AGBL1: variants seen among roughly 807,000 people sequenced by gnomAD.
The protein encoded by AGBL1 is AGBL carboxypeptidase 1.
A neutral mutation model predicts 118.9 loss-of-function variants in AGBL1; 130 were observed. The observed-to-expected ratio is 1.09, with a 90% CI of 0.95 to 1.26. AGBL1 has a LOEUF of 1.26. Among genes scored for constraint, AGBL1 ranks in the 50% most tolerant of loss-of-function variants. The probability of loss-of-function intolerance (pLI) is 0.00; values close to 1 mark genes in which losing one functional copy is unlikely to be tolerated. For synonymous variants in AGBL1, 555 were observed against 478.9 expected (o/e 1.16, Z -2.08); for missense variants, 1,584 against 1,298.1 (o/e 1.22, Z -3.38).
intron 17 of AGBL1, among the ~76,000 whole-genome samples, chr15:86,357,496 A>G (rs1567215611): frequency 6.6e-6 from 1 of 152,002 alleles, no homozygotes; most frequent in Non-Finnish European, 1.5e-5. Context: ...ATTCTTTCCT[A>G]TTTGCCTTTG....
intron 18 of AGBL1, among the ~76,000 whole-genome samples, chr15:86,467,849 C>T (rs2082426998): frequency 6.6e-6 from 1 of 152,278 alleles, no homozygotes; most frequent in African/African-American, 2.4e-5. Flanking sequence ...GAACCAGGTA[C>T]CTCAGTTGGA....
chr15:86,323,319 T>C (rs1192920316), intron 17 of AGBL1, among the ~76,000 whole-genome samples: 1 of 152,012 alleles, frequency 6.6e-6, no homozygotes, highest in Non-Finnish European at 1.5e-5. Context: ...AGGAAAATAA[T>C]ATATGACAAA....
rs569658160 is a variant in AGBL1 at position 86,747,577 on chromosome 15, C to T, written c.3158+73141C>T. On this transcript the variant is annotated intron_variant, in intron 22 of 22. Transcript: ENST00000614907. Reference sequence around the variant, plus strand: ...ATGTGCCATGTTGGTGTGCTGCACCCATTAACTCGTCATTTACATTGGGTG... The same window carrying T: ...ATGTGCCATGTTGGTGTGCTGCACCTATTAACTCGTCATTTACATTGGGTG... 2.0e-5 allele frequency among the ~76,000 whole-genome samples: 3 copies of T among 152,230 alleles called. No individual in the cohort carries two copies. In the South Asian group the frequency reaches 6.2e-4, roughly 32 times the overall value.
intron 17 of AGBL1, among the ~76,000 whole-genome samples, chr15:86,367,623 A>G (rs531942360): frequency 7.2e-5 from 11 of 152,268 alleles, no homozygotes; most frequent in African/African-American, 2.6e-4. Context: ...TACCAGAAGA[A>G]AAGAGATGCA....
Position 86,722,799 on chromosome 15 carries a change from A to C in AGBL1, c.3158+48363A>C, listed in dbSNP as rs184931893. On this transcript the variant is annotated intron_variant, in intron 22 of 22. Transcript: ENST00000614907. ...TATCCAGAATCTACAATGAACTCAA[A>C]CAAATTTACAAGAAACAAACAACCC... 1.8e-3 allele frequency among the ~76,000 whole-genome samples: 275 copies of C among 152,110 alleles called. 12 individuals carry two copies. In the East Asian group the frequency reaches 0.024, roughly 13 times the overall value.
At chr15:86,193,090 G>A (rs2077748516) in intron 5 of AGBL1, among the ~76,000 whole-genome samples, 1 of 152,002 alleles carries the variant, frequency 6.6e-6, no homozygotes, top group Admixed American at 6.6e-5. Flanking sequence ...TAATTTATTA[G>A]TAAATGTGAT....
At chr15:86,917,022 T>C (rs961227425), downstream of AGBL1, among the ~76,000 whole-genome samples, 7 of 152,226 alleles carry the variant, frequency 4.6e-5, no homozygotes, top group African/African-American at 1.4e-4. The surrounding 1 kb of genome is among the most constrained non-coding windows in gnomAD (Gnocchi z 4.8). Flanking sequence ...GGGGAATGAA[T>C]TGAGTCAGCA....
chr15:86,876,669 T>G (rs1160992428), intron 22 of AGBL1, among the ~76,000 whole-genome samples: 6 of 152,212 alleles, frequency 3.9e-5, no homozygotes, highest in Non-Finnish European at 8.8e-5. Flanking sequence ...CTTGCTATCA[T>G]TCAACTCTGC....
At chr15:86,356,135 C>A (rs1433145953) in intron 17 of AGBL1, among the ~76,000 whole-genome samples, 1 of 151,980 alleles carries the variant, frequency 6.6e-6, no homozygotes, top group Non-Finnish European at 1.5e-5. Flanking sequence ...TGACAGGAAG[C>A]ACATAGCAGA....
chr15:86,220,306 A>G (rs928477436), intron 5 of AGBL1, among the ~76,000 whole-genome samples: 2 of 152,108 alleles, frequency 1.3e-5, no homozygotes, highest in African/African-American at 4.8e-5. Flanking sequence ...ACCTTTGTGA[A>G]CTTCATTATT....
chr15:86,844,945 T>G (rs1458313250), intron 22 of AGBL1, among the ~76,000 whole-genome samples: 2 of 152,132 alleles, frequency 1.3e-5, no homozygotes, highest in East Asian at 3.8e-4. Context: ...TAGTATCATT[T>G]ATTGGTTAGC....
rs186232284 is a variant in AGBL1, at chr15:86,256,757, G to C, written c.736-96G>C. 5.7e-6 allele frequency: 7 copies of C among 1,238,154 alleles called. No individual in the cohort carries two copies. In the Admixed American group the frequency reaches 1.5e-4, roughly 26 times the overall value. 76.7% of individuals were successfully genotyped at this position (1,238,154 alleles called of 1,614,324 possible). ...TTAGCTGAAACACAGCTAGGAGACT[G>C]TGCTGTGTTACAGCTTGGAGAGTGT... On this transcript the variant is annotated intron_variant, in intron 7 of 22. Transcript: ENST00000614907.
chr15:86,547,820 C>T (rs1394290328), intron 20 of AGBL1, among the ~76,000 whole-genome samples: 1 of 152,146 alleles, frequency 6.6e-6, no homozygotes, highest in Non-Finnish European at 1.5e-5. Flanking sequence ...TAGTTTATTA[C>T]ATCAAGTTTG....
chr15:86,640,697 A>G lies in AGBL1; in HGVS notation c.2995-33576A>G, dbSNP rs2085176017. On this transcript the variant is annotated intron_variant, in intron 21 of 22. Transcript: ENST00000614907. ...ATAAGATTTCAATTAAGATTTGGTA[A>G]TAAGTCATTGTCTACAGCCCTAGTT... Among the ~76,000 whole-genome samples the G allele has an allele frequency of 2.6e-5, 4 of 152,176 alleles. No individual in the cohort carries two copies. In the South Asian group the frequency reaches 8.3e-4, roughly 31 times the overall value.
intron 17 of AGBL1, among the ~76,000 whole-genome samples, chr15:86,349,849 G>A (rs1482757755): frequency 1.3e-5 from 2 of 152,216 alleles, no homozygotes; most frequent in Non-Finnish European, 2.9e-5. Flanking sequence ...GGAAAGAGAA[G>A]CGTTCAATTT....
At chr15:86,461,617 C>G (rs1301207153) in intron 18 of AGBL1, among the ~76,000 whole-genome samples, 1 of 152,024 alleles carries the variant, frequency 6.6e-6, no homozygotes, top group Non-Finnish European at 1.5e-5. Context: ...ATATAAGTGC[C>G]ATGTAATTTT....
At chr15:86,216,180 C>T (rs759701269) in intron 5 of AGBL1, among the ~76,000 whole-genome samples, 1 of 152,142 alleles carries the variant, frequency 6.6e-6, no homozygotes, top group Non-Finnish European at 1.5e-5. Context: ...CAAGATCACG[C>T]CATCTGCAAA....
chr15:86,400,171 C>T lies in AGBL1; in HGVS notation c.2555+2625C>T, dbSNP rs2081423264. Among the ~76,000 whole-genome samples, 3 of 152,132 alleles carry T rather than the reference C, an allele frequency of 2.0e-5. No homozygotes were observed. In the South Asian group the frequency reaches 6.2e-4, roughly 31 times the overall value. On this transcript the variant is annotated intron_variant, in intron 18 of 22. Transcript: ENST00000614907. ...GACATTTTATTTCAGGGCATGCCCA[C>T]TCTGTTGTGTATCATCAGGTGGATT...
chr15:86,631,555 C>G (rs2084966668), intron 21 of AGBL1, among the ~76,000 whole-genome samples: 2 of 152,094 alleles, frequency 1.3e-5, no homozygotes, highest in Admixed American at 1.3e-4. Context: ...TCTTTGAGAC[C>G]TGTAGTTTGA....
Sources: allele counts gnomAD v4.1 joint callset (sites outside exome capture counted in the v4.1 genomes callset), GRCh38; gene constraint gnomAD v4.1.1; non-coding constraint Gnocchi (gnomAD v3.1); transcripts MANE v1.5; gene names NCBI Gene and HGNC (gene_info 2026-07-23, HGNC 2026-07-21).